The following ANO3 variants were observed in gnomAD, a reference collection of about 807,000 sequenced individuals.
ANO3 encodes the protein anoctamin 3, also known as anoctamin-3.
Under a neutral mutation model 144.8 loss-of-function variants are expected in ANO3, and 99 were observed. The observed-to-expected ratio is 0.68, with a 90% CI of 0.58 to 0.81. The LOEUF (loss-of-function observed/expected upper bound fraction) is 0.81, where lower values mean the gene tolerates loss of function less well. ANO3 is among the 30% of genes least tolerant of loss of function. The pLI, the probability that ANO3 is intolerant of heterozygous loss-of-function variation, is 0.00. For missense variants in ANO3, 905 were observed against 1,202.2 expected (o/e 0.75, Z 3.66); for synonymous variants, 414 against 392.6 (o/e 1.05, Z -0.64).
upstream of ANO3, among the ~76,000 whole-genome samples, chr11:26,305,236 C>T (rs939968982): frequency 6.6e-6 from 1 of 150,792 alleles, no homozygotes; most frequent in Non-Finnish European, 1.5e-5. Context: ...TGTCTTTCAG[C>T]ATTGATAATG....
At chr11:26,421,700 T>C (rs1284212264) in intron 1 of ANO3, among the ~76,000 whole-genome samples, 1 of 151,944 alleles carries the variant, frequency 6.6e-6, no homozygotes, top group African/African-American at 2.4e-5. Context: ...TGCAAAGACA[T>C]AGAATCAGTG....
intron 1 of ANO3, among the ~76,000 whole-genome samples, chr11:26,280,698 G>C (rs10834948): frequency 1.3e-5 from 2 of 151,896 alleles, no homozygotes; most frequent in Non-Finnish European, 2.9e-5. Flanking sequence ...AGGAAAATAC[G>C]TTGCATCCTT....
chr11:26,338,698 C>T (rs1171161728), intron 1 of ANO3, among the ~76,000 whole-genome samples: 1 of 152,118 alleles, frequency 6.6e-6, no homozygotes, highest in African/African-American at 2.4e-5. Flanking sequence ...CATGAACCCC[C>T]CCACTGGGAG....
intron 1 of ANO3, among the ~76,000 whole-genome samples, chr11:26,267,491 A>G (rs76932845): frequency 0.013 from 2,024 of 152,330 alleles, 32 homozygotes; most frequent in African/African-American, 0.046. Context: ...TATCTGCTGC[A>G]TCAATTTGCA....
intron 14 of ANO3, among the ~76,000 whole-genome samples, chr11:26,592,323 G>T (rs61878568): frequency 0.031 from 4,657 of 152,072 alleles, 104 homozygotes; most frequent in Non-Finnish European, 0.049. Flanking sequence ...CCTGAGGATT[G>T]TGGCCTCCAG....
chr11:26,260,297 T>A (rs1853157795), intron 1 of ANO3, among the ~76,000 whole-genome samples: 1 of 152,232 alleles, frequency 6.6e-6, no homozygotes, highest in Non-Finnish European at 1.5e-5. Context: ...TTATATTACA[T>A]GTCTGCAGTT....
intron 1 of ANO3, among the ~76,000 whole-genome samples, chr11:26,235,568 T>G (rs990822815): frequency 6.6e-6 from 1 of 151,090 alleles, no homozygotes; most frequent in African/African-American, 2.4e-5. Flanking sequence ...GAAGAAAGCC[T>G]ATTAGCTAAA....
At chr11:26,481,200 C>T (rs1010203205) in intron 4 of ANO3, among the ~76,000 whole-genome samples, 2 of 151,982 alleles carry the variant, frequency 1.3e-5, no homozygotes, top group Admixed American at 6.5e-5. Context: ...TAGTGAGTGG[C>T]AAAGCTAGCC....
At chr11:26,257,486 C>A (rs1481554247) in intron 1 of ANO3, among the ~76,000 whole-genome samples, 2 of 152,032 alleles carry the variant, frequency 1.3e-5, no homozygotes, top group Non-Finnish European at 2.9e-5. Flanking sequence ...CTAATGTAAT[C>A]CTCTTGAATT....
intron 26 of ANO3, among the ~76,000 whole-genome samples, chr11:26,659,099 C>CACACAT (rs76897197): frequency 5.5e-4 from 82 of 150,124 alleles, no homozygotes; most frequent in African/African-American, 1.9e-3. Context: ...CACACACACA[C>CACACAT]ATATATATAT....
chr11:26,262,771 A>G (rs1408107884), intron 1 of ANO3, among the ~76,000 whole-genome samples: 1 of 150,638 alleles, frequency 6.6e-6, no homozygotes, highest in Non-Finnish European at 1.5e-5. Flanking sequence ...TTCTCTTTCA[A>G]CCAAGTGAGG....
intron 1 of ANO3, among the ~76,000 whole-genome samples, chr11:26,273,047 A>T (rs550619706): frequency 6.6e-6 from 1 of 152,148 alleles, no homozygotes; most frequent in African/African-American, 2.4e-5. Flanking sequence ...TGAAATACCT[A>T]TAAATATAAA....
At chr11:26,538,437 A>G (rs1302326664) in intron 10 of ANO3, among the ~76,000 whole-genome samples, 1 of 152,146 alleles carries the variant, frequency 6.6e-6, no homozygotes, top group African/African-American at 2.4e-5. Flanking sequence ...TTTTCCCGTT[A>G]TTCTGAACAT....
At chr11:26,596,605 C>T (rs976810639) in intron 14 of ANO3, among the ~76,000 whole-genome samples, 5 of 152,066 alleles carry the variant, frequency 3.3e-5, no homozygotes, top group African/African-American at 1.2e-4. Context: ...TCCTTAGATC[C>T]CTTTGGAGAT....
At chr11:26,402,780 G>T (rs939464595) in intron 1 of ANO3, among the ~76,000 whole-genome samples, 2 of 151,894 alleles carry the variant, frequency 1.3e-5, no homozygotes, top group Admixed American at 6.6e-5. Context: ...ACCAGGTGAT[G>T]AAATAAGCTG....
At chr11:26,639,033 A>G (rs1233970035) in intron 20 of ANO3, 111 bp from the exon 21 acceptor site, 6 of 681,418 alleles carry the variant, frequency 8.8e-6, no homozygotes, top group Non-Finnish European at 1.3e-5. Flanking sequence ...TTCTTTATGC[A>G]TGAGATGGTG....
At chr11:26,317,729 A>G (rs1419430700) in intron 1 of ANO3, among the ~76,000 whole-genome samples, 1 of 152,182 alleles carries the variant, frequency 6.6e-6, no homozygotes, top group African/African-American at 2.4e-5. Context: ...AACCAGAAAT[A>G]CCATTTGACC....
Position 26,613,447 on chromosome 11 carries a change from T to C in ANO3, c.1837-11015T>C, listed in dbSNP as rs187404512. On this transcript the variant is annotated intron_variant, in intron 17 of 26. Transcript: ENST00000256737. ...CTGTCTTGTATCTCACTGCATTTTCTTAAGATCATTATTTACAATGCTTTT... is the reference window on the plus strand; with the variant it reads ...CTGTCTTGTATCTCACTGCATTTTCCTAAGATCATTATTTACAATGCTTTT... Among the ~76,000 whole-genome samples, 99 of 152,326 alleles carry C rather than the reference T, an allele frequency of 6.5e-4. 1 individual carries two copies. In the East Asian group the frequency reaches 0.018, roughly 27 times the overall value.
chr11:26,552,648 A>T (rs1221117901), intron 12 of ANO3, among the ~76,000 whole-genome samples: 2 of 152,124 alleles, frequency 1.3e-5, no homozygotes, highest in African/African-American at 4.8e-5. Flanking sequence ...AACTGAAGAG[A>T]TGTGTCATAA....
Sources: allele counts gnomAD v4.1 joint callset (sites outside exome capture counted in the v4.1 genomes callset), GRCh38; gene constraint gnomAD v4.1.1; transcripts MANE v1.5; gene names NCBI Gene and HGNC (gene_info 2026-07-23, HGNC 2026-07-21).